Variants in FER observed in about 807,000 individuals in gnomAD.
FER encodes tyrosine-protein kinase Fer.
A neutral mutation model predicts 111.0 loss-of-function variants in FER; 63 were observed. The observed-to-expected ratio is 0.57, with a 90% CI of 0.46 to 0.70. The LOEUF is 0.70. Among genes scored for constraint, FER ranks in the 30% least tolerant of loss-of-function variants. FER has a pLI of 0.00. For synonymous variants in FER, 327 were observed against 313.9 expected (o/e 1.04, Z -0.44); for missense variants, 914 against 954.0 (o/e 0.96, Z 0.55).
chr5:108,870,510 C>G (rs751977317), intron 6 of FER, among the ~76,000 whole-genome samples: 26 of 152,162 alleles, frequency 1.7e-4, no homozygotes, highest in African/African-American at 5.8e-4. Context: ...TTATTTGAAA[C>G]TAGCATTGCC....
At chr5:109,064,484 T>G (rs1193146778) in intron 16 of FER, among the ~76,000 whole-genome samples, 1 of 152,236 alleles carries the variant, frequency 6.6e-6, no homozygotes, top group Non-Finnish European at 1.5e-5. Flanking sequence ...ACTATTACTC[T>G]GTCACCTCTT....
chr5:108,755,886 T>A lies in FER; in HGVS notation c.-206+7886T>A, dbSNP rs549748592. Among the ~76,000 whole-genome samples, 4 of 148,198 alleles carry A rather than the reference T, an allele frequency of 2.7e-5. No individual in the cohort carries two copies. In the South Asian group the frequency reaches 9.0e-4, roughly 33 times the overall value. Reference sequence around the variant, plus strand: ...TACAGTATCAGCCGGGCACTGTGGGTCACACCTGTAATCCCAGCACTTTGG... The same window carrying A: ...TACAGTATCAGCCGGGCACTGTGGGACACACCTGTAATCCCAGCACTTTGG... On this transcript the variant is annotated intron_variant, in intron 1 of 19. Coordinates refer to ENST00000281092, the MANE Select transcript of FER (RefSeq NM_005246.4).
chr5:109,105,967 T>G (rs956204882), intron 17 of FER, among the ~76,000 whole-genome samples: 10 of 152,218 alleles, frequency 6.6e-5, no homozygotes, highest in Admixed American at 5.9e-4. Context: ...AAGCCCGTTT[T>G]ACACATGAGG....
intron 9 of FER, among the ~76,000 whole-genome samples, chr5:108,885,508 G>A (rs548405969): frequency 7.2e-5 from 11 of 152,012 alleles, no homozygotes; most frequent in Admixed American, 3.9e-4. Context: ...CAGTTCTGGA[G>A]GCTGTAAGTC....
At chr5:109,129,215 G>A (rs892290546) in intron 17 of FER, among the ~76,000 whole-genome samples, 1 of 151,928 alleles carries the variant, frequency 6.6e-6, no homozygotes, top group African/African-American at 2.4e-5. Context: ...TGAATTCCGG[G>A]TGGAGAATCT....
At chr5:108,748,966 T>G (rs1750086008) in intron 1 of FER, 1 of 152,280 alleles carries the variant, frequency 6.6e-6, no homozygotes, top group Admixed American at 6.6e-5. Context: ...CTCCGGAGTC[T>G]GAGGGGTTCG....
At chr5:108,910,427 A>G (rs1356569542) in intron 10 of FER, among the ~76,000 whole-genome samples, 1 of 152,178 alleles carries the variant, frequency 6.6e-6, no homozygotes, top group African/African-American at 2.4e-5. Context: ...CACACTTAGC[A>G]TAATTTCCCT....
At chr5:109,164,773 A>AT (rs1487831294) in intron 17 of FER, among the ~76,000 whole-genome samples, 5 of 152,004 alleles carry the variant, frequency 3.3e-5, no homozygotes, top group African/African-American at 1.2e-4. Flanking sequence ...TGCCTTTTAC[A>AT]TCCTAATCCT....
chr5:108,954,810 C>T lies in FER; in HGVS notation c.1411C>T (p.Gln471Ter). ...YHGAIPRIEA[Q>*]ELLKKQGDFL... ...TGGTGCAATTCCCAGAATAGAAGCTCAAGAACTGTTAAAAAAACAAGGAGA... is the reference window on the plus strand; with the variant it reads ...TGGTGCAATTCCCAGAATAGAAGCTTAAGAACTGTTAAAAAAACAAGGAGA... The change falls in exon 12 of 20, where the codon CAA becomes TAA. Residue 471 changes from glutamine (Q) to a stop codon, truncating the protein, a stop_gained. Transcript: ENST00000281092. LOFTEE classifies it high-confidence loss of function. 6.2e-7 allele frequency: 1 copy of T among 1,611,990 alleles called. No homozygotes were observed. Among genetic ancestry groups the T allele is most frequent in the Non-Finnish European group, 8.5e-7 (1 of 1,179,002 alleles).
chr5:109,116,915 A>G (rs1057326485), intron 17 of FER, among the ~76,000 whole-genome samples: 2 of 152,182 alleles, frequency 1.3e-5, no homozygotes, highest in Non-Finnish European at 2.9e-5. Flanking sequence ...CTTTTTAAAA[A>G]GGCCAAAGAA....
At chr5:108,856,978 G>T (rs1047071804) in intron 5 of FER, among the ~76,000 whole-genome samples, 1 of 152,036 alleles carries the variant, frequency 6.6e-6, no homozygotes, top group Non-Finnish European at 1.5e-5. Context: ...TTAAAATTTT[G>T]ATCCAATTTT....
chr5:108,794,526 A>ACCCCCCCCCCCCCCCCCCCCCCCC (rs138716410), intron 2 of FER, among the ~76,000 whole-genome samples: 4 of 106,348 alleles, frequency 3.8e-5, no homozygotes, highest in Admixed American at 2.0e-4. Context: ...CCCCCTCCGC[A>ACCCCCCCCCCCCCCCCCCCCCCCC]CCCCCCCCCC....
intron 13 of FER, among the ~76,000 whole-genome samples, chr5:108,993,594 A>AGGGAGT: frequency 9.0e-6 from 1 of 110,522 alleles, no homozygotes; most frequent in African/African-American, 3.4e-5. Context: ...GGAGAGGGAG[A>AGGGAGT]GGGCGAGGGC....
At chr5:109,138,046 C>T (rs1337449122) in intron 17 of FER, among the ~76,000 whole-genome samples, 1 of 152,134 alleles carries the variant, frequency 6.6e-6, no homozygotes, top group Non-Finnish European at 1.5e-5. Flanking sequence ...TGAAGTCTTT[C>T]TGTCATATCG....
At chr5:109,005,539 A>G (rs1581613537) in intron 13 of FER, among the ~76,000 whole-genome samples, 2 of 152,348 alleles carry the variant, frequency 1.3e-5, no homozygotes, top group South Asian at 2.1e-4. Context: ...GCATACTCCC[A>G]GACACATACA....
At chr5:108,810,816 T>A (rs1383050889) in intron 3 of FER, among the ~76,000 whole-genome samples, 1 of 152,204 alleles carries the variant, frequency 6.6e-6, no homozygotes, top group South Asian at 2.1e-4. Flanking sequence ...TTCAGCTGTC[T>A]GGAGATCTGC....
chr5:109,039,423 A>G (rs1455442097), intron 14 of FER, among the ~76,000 whole-genome samples: 6 of 152,142 alleles, frequency 3.9e-5, no homozygotes, highest in Non-Finnish European at 8.8e-5. Flanking sequence ...GGAGCTTAAT[A>G]TTCTTTCTAG....
chr5:108,827,120 G>C (rs1046738260), intron 3 of FER, among the ~76,000 whole-genome samples: 2 of 152,308 alleles, frequency 1.3e-5, no homozygotes, highest in Non-Finnish European at 2.9e-5. Context: ...TGGTCTCTTT[G>C]AATTTCGTAC....
intron 5 of FER, among the ~76,000 whole-genome samples, chr5:108,836,912 C>T (rs1760725700): frequency 6.6e-6 from 1 of 152,098 alleles, no homozygotes; most frequent in African/African-American, 2.4e-5. Context: ...GTCTCCTTCT[C>T]TCCCCGCTTC....
Sources: allele counts gnomAD v4.1 joint callset (sites outside exome capture counted in the v4.1 genomes callset), GRCh38; gene constraint gnomAD v4.1.1; transcripts MANE v1.5; gene names NCBI Gene and HGNC (gene_info 2026-07-23, HGNC 2026-07-21).